Variants in SYVN1 observed in about 807,000 individuals in gnomAD.
SYVN1 encodes the protein E3 ubiquitin-protein ligase synoviolin.
In SYVN1, 17 loss-of-function variants were observed where a neutral mutation model predicts 62.6. That is an observed-to-expected ratio of 0.27 (90% CI 0.19 to 0.41). SYVN1 has a LOEUF of 0.41. SYVN1 is among the 10% of genes least tolerant of loss of function. The probability of loss-of-function intolerance (pLI) is 1.00; values close to 1 mark genes in which losing one functional copy is unlikely to be tolerated. For missense variants in SYVN1, 634 were observed against 818.0 expected (o/e 0.78, Z 2.74); for synonymous variants, 316 against 304.0 (o/e 1.04, Z -0.41).
Position 65,130,230 on chromosome 11 carries a change from TCA to T in SYVN1, c.1234+19_1234+20del, listed in dbSNP as rs1159458269. 7 of 1,609,232 alleles carry T rather than the reference TCA, an allele frequency of 4.3e-6. No homozygotes were observed. Among genetic ancestry groups the T allele is most frequent in the Non-Finnish European group, 5.9e-6 (7 of 1,177,746 alleles). On this transcript the variant is annotated intron_variant, in intron 12 of 15. Transcript: ENST00000377190. The stretch of plus-strand genomic sequence containing the variant: ...TTCCATCCCTGCCGCCCCCTGGCTG[TCA>T]CAGTACCCAAAGGCTCACCTGCACT...
Position 65,128,377 on chromosome 11 carries a change from C to T in SYVN1, c.*5G>A, listed in dbSNP as rs1462855444. 11 of 1,609,870 alleles carry T rather than the reference C, an allele frequency of 6.8e-6. No individual in the cohort carries two copies. Among genetic ancestry groups the T allele is most frequent in the African/African-American group, 1.3e-5 (1 of 74,860 alleles). On this transcript the variant is annotated 3_prime_UTR_variant, in exon 16 of 16. Transcript: ENST00000377190. Reference sequence around the variant, plus strand: ...AGCAGAGGCTGGGGCTGGGCTGGGGCAGTGTCAGTGGGCAACAGGAGACTC... The same window carrying T: ...AGCAGAGGCTGGGGCTGGGCTGGGGTAGTGTCAGTGGGCAACAGGAGACTC...
At chr11:65,130,479 G>T in intron 11 of SYVN1, 100 bp from the exon 12 acceptor site, 1 of 1,425,830 alleles carries the variant, frequency 7.0e-7, no homozygotes, top group Non-Finnish European at 9.3e-7. Context: ...TATTCCCACA[G>T]GCCCTCAGCC....
rs1202517785 is a variant in SYVN1 at position 65,132,445 on chromosome 11, A to G, written c.428-94T>C. ...GGACAGCCCCACCCTCAAGCCCACC[A>G]TGGCCCCAGCGATCTAGTCAGGTGG... On this transcript the variant is annotated intron_variant, in intron 5 of 15. Coordinates refer to ENST00000377190, the MANE Select transcript of SYVN1 (RefSeq NM_172230.3). The G allele has an allele frequency of 5.5e-6, 5 of 904,104 alleles. No individual in the cohort carries two copies. In the African/African-American group the frequency reaches 6.6e-5, roughly 12 times the overall value. 56.0% of individuals were successfully genotyped at this position (904,104 alleles called of 1,614,324 possible). A position where few individuals can be genotyped will look rare whatever the true frequency, so the allele number is the denominator to read the frequency against.
chr11:65,130,944 G>C lies in SYVN1; in HGVS notation c.917C>G (p.Pro306Arg). The C allele has an allele frequency of 6.2e-7, 1 of 1,613,936 alleles. No individual in the cohort carries two copies. The highest frequency in any genetic ancestry group is 8.5e-7 in the Non-Finnish European group (1 of 1,179,994). The change falls in exon 10 of 16, where the codon CCC becomes CGC. Residue 306 changes from proline (P) to arginine (R), a missense_variant. Physicochemically the swap from Pro to Arg is moderately radical, Grantham distance 103. This residue lies in a region of SYVN1 where 283 missense variants were observed against 444.7 expected (regional missense o/e 0.64). Transcript: ENST00000377190. ...CCTGGTATGGAAAATGTGGTTGCAG[G>C]GCAGTCTCTTGGCACCAGTCACCAT... The part of the protein sequence containing the change: ...EEMVTGAKRL[P>R]CNHIFHTSCL...
intron 14 of SYVN1, 104 bp from the exon 15 acceptor site, chr11:65,128,818 GC>G: frequency 8.1e-7 from 1 of 1,231,568 alleles, no homozygotes; most frequent in South Asian, 1.6e-5. Context: ...AGAATGATGT[GC>G]CCTTGTGGCC....
Position 65,130,698 on chromosome 11 carries a change from G to GGC in SYVN1, c.1066_1067insGC (p.Ala356GlyfsTer130). ...AGGCAAGAGTGGTGGGGGGTGGGGGGCAGGGGGTGGCCCCTGATCCGCAGG... is the reference window on the plus strand; with the variant it reads ...AGGCAAGAGTGGTGGGGGGTGGGGGGGCCAGGGGGTGGCCCCTGATCCGCAGG... On this transcript the variant is annotated frameshift_variant, in exon 11 of 16. Transcript: ENST00000377190. LOFTEE classifies it high-confidence loss of function. The GGC allele has an allele frequency of 9.5e-7, 1 of 1,049,054 alleles. No homozygotes were observed. Among genetic ancestry groups the GGC allele is most frequent in the Non-Finnish European group, 1.3e-6 (1 of 770,972 alleles). The allele number at this position is 1,049,054 out of a possible 1,614,324, so 65.0% of individuals were successfully genotyped here. A position where few individuals can be genotyped will look rare whatever the true frequency, so the allele number is the denominator to read the frequency against.
chr11:65,129,553 GGAGTGGGAAATAAAGGCA>G, intron 14 of SYVN1, 158 bp downstream of exon 14: 1 of 589,546 alleles, frequency 1.7e-6, no homozygotes, highest in Non-Finnish European at 3.0e-6. Context: ...CATGCTTTCT[GGAGTGGGAAATAAAGGCA>G]CCAGGAGTTA....
chr11:65,130,237 A>T lies in SYVN1; in HGVS notation c.1234+14T>A. 6.2e-7 allele frequency: 1 copy of T among 1,608,306 alleles called. No homozygotes were observed. On this transcript the variant is annotated intron_variant, in intron 12 of 15. Coordinates refer to ENST00000377190, the MANE Select transcript of SYVN1 (RefSeq NM_172230.3). Reference sequence around the variant, plus strand: ...CCTGCCGCCCCCTGGCTGTCACAGTACCCAAAGGCTCACCTGCACTGGTGG... The same window carrying T: ...CCTGCCGCCCCCTGGCTGTCACAGTTCCCAAAGGCTCACCTGCACTGGTGG...
chr11:65,130,539 C>A, intron 11 of SYVN1, 121 bp downstream of exon 11: 1 of 1,421,634 alleles, frequency 7.0e-7, no homozygotes. Flanking sequence ...CTTTTAATCC[C>A]TCCCTGGCCC....
chr11:65,133,310 CTCA>C (rs934583254), intron 2 of SYVN1, 58 bp from the exon 3 acceptor site: 348 of 1,594,958 alleles, frequency 2.2e-4, no homozygotes, highest in Middle Eastern at 1.5e-3. Flanking sequence ...CTCCTTGGGA[CTCA>C]TCATGCAGGA....
chr11:65,132,941 G>A lies in SYVN1; in HGVS notation c.359C>T (p.Ala120Val). Residue 120 changes from alanine (A) to valine (V), a missense_variant, in exon 4 of 16, where the codon GCT becomes GTT. This residue lies in a region of SYVN1 where 283 missense variants were observed against 444.7 expected (regional missense o/e 0.64). Coordinates refer to ENST00000377190, the MANE Select transcript of SYVN1 (RefSeq NM_172230.3). ...LLFLKCFHWL[A>V]EDRVDFMERS... The stretch of plus-strand genomic sequence containing the variant: ...ACTCACAAAGTCCACACGGTCCTCA[G>A]CCAGCCAGTGGAAACATTTGAGGAA... 6.2e-7 allele frequency: 1 copy of A among 1,614,170 alleles called. No individual in the cohort carries two copies. The highest frequency in any genetic ancestry group is 8.5e-7 in the Non-Finnish European group (1 of 1,180,042).
At position 65,132,734 on chromosome 11, in the gene SYVN1, A is replaced by G. The variant is rs1948197212; in HGVS notation, c.425T>C (p.Val142Ala). The change falls in exon 5 of 16, where the codon GTC (valine) becomes GCC (alanine). Residue 142 changes from valine to alanine, a missense_variant and splice_region_variant. By Grantham distance (64) the Val-to-Ala change is moderately conservative. This residue lies in a region of SYVN1 where 283 missense variants were observed against 444.7 expected (regional missense o/e 0.64). Transcript: ENST00000377190. ...CCCCTCCCCTGAATCTCACTCACAG[A>G]CAATGCGGCAGTGAAAGAGCCAGGA... is the stretch of plus-strand genomic sequence containing the variant. ...NISWLFHCRI[V>A]SLMFLLGILD... 1.2e-5 allele frequency: 20 copies of G among 1,614,082 alleles called. No homozygotes were observed. Among genetic ancestry groups the G allele is most frequent in the Non-Finnish European group, 1.6e-5 (19 of 1,179,984 alleles).
At chr11:65,129,073 A>G (rs989795299) in intron 14 of SYVN1, 8 of 222,506 alleles carry the variant, frequency 3.6e-5, no homozygotes, top group Non-Finnish European at 6.2e-5. Context: ...TGTCACTGCT[A>G]GATGCCAGGC....
chr11:65,130,094 C>T lies in SYVN1; in HGVS notation c.1316G>A (p.Gly439Asp). Residue 439 changes from glycine (G) to aspartate (D), a missense_variant, in exon 13 of 16, where the codon GGC becomes GAC. Gly to Asp is a moderately conservative substitution (Grantham distance 94, BLOSUM62 -1). Around this residue, in one of 2 missense-constraint regions of SYVN1, gnomAD observed 351 missense variants for 373.3 expected, o/e 0.94. Transcript: ENST00000377190. ...CTCTGGGGCAGAGCCAGAGCCTGGGCCAGATGCTGTGGCAGAAGCAGCAGT... is the reference window on the plus strand; with the variant it reads ...CTCTGGGGCAGAGCCAGAGCCTGGGTCAGATGCTGTGGCAGAAGCAGCAGT... ...SATAASATAS[G>D]PGSGSAPEAG... The T allele has an allele frequency of 6.2e-7, 1 of 1,610,874 alleles. No homozygotes were observed. The highest frequency in any genetic ancestry group is 8.5e-7 in the Non-Finnish European group (1 of 1,178,362).
rs754330543 is a variant in SYVN1 at position 65,131,156 on chromosome 11, C to T, written c.800G>A (p.Arg267Gln). 3 of 1,613,944 alleles carry T rather than the reference C, an allele frequency of 1.9e-6. No individual in the cohort carries two copies. The highest frequency in any genetic ancestry group is 2.5e-6 in the Non-Finnish European group (3 of 1,180,012). The change falls in exon 9 of 16, where the codon CGA (arginine) becomes CAA (glutamine). Residue 267 changes from arginine to glutamine, a missense_variant. Around this residue, in one of 2 missense-constraint regions of SYVN1, gnomAD observed 283 missense variants for 444.7 expected, o/e 0.64. Coordinates refer to ENST00000377190, the MANE Select transcript of SYVN1 (RefSeq NM_172230.3). Reference sequence around the variant, plus strand: ...CAGGGTGTTCATGTTGCGGATGGCTCGGCGAGACATGATGGCATCTGTCAC... The same window carrying T: ...CAGGGTGTTCATGTTGCGGATGGCTTGGCGAGACATGATGGCATCTGTCAC... ...KAVTDAIMSR[R>Q]AIRNMNTLYP... is the part of the protein sequence containing the mutation.
At position 65,128,613 on chromosome 11, in the gene SYVN1, G is replaced by T; in HGVS notation, c.1697C>A (p.Thr566Asn). ...TGGTGGGGAGGCTCCTGGGGTTGGG[G>T]TCGTGGCCTCTGAGCTAGGGATGCT... is the stretch of plus-strand genomic sequence containing the variant. ...STSIPSSEAT[T>N]PTPGASPPAP... Residue 566 changes from threonine to asparagine, a missense_variant, in exon 15 of 16, where the codon ACC (threonine) becomes AAC (asparagine). Physicochemically the swap from Thr to Asn is moderately conservative, Grantham distance 65. Transcript: ENST00000377190. The T allele has an allele frequency of 1.2e-6, 2 of 1,614,160 alleles. No individual in the cohort carries two copies. The highest frequency in any genetic ancestry group is 8.5e-7 in the Non-Finnish European group (1 of 1,180,004).
At position 65,128,224 on chromosome 11, in the gene SYVN1, A is replaced by C; in HGVS notation, c.*158T>G. ...GGGACTGGAGTCAAATGGGAACCCC[A>C]GCCTCTTTCCACTTGGCCTAGGGGA... On this transcript the variant is annotated 3_prime_UTR_variant, in exon 16 of 16. Coordinates refer to ENST00000377190, the MANE Select transcript of SYVN1 (RefSeq NM_172230.3). The C allele has an allele frequency of 1.6e-6, 1 of 643,478 alleles. No homozygotes were observed. The highest frequency in any genetic ancestry group is 1.9e-5 in the South Asian group (1 of 52,910). The allele number at this position is 643,478 out of a possible 1,614,324, so 39.9% of individuals were successfully genotyped here.
At chr11:65,129,941 G>A (rs748918223) in intron 13 of SYVN1, 26 bp from the exon 14 acceptor site, 1 of 1,609,268 alleles carries the variant, frequency 6.2e-7, no homozygotes, top group East Asian at 2.2e-5. Flanking sequence ...CTCAGTCTGG[G>A]CTGCTGGGGC....
chr11:65,130,292 G>C lies in SYVN1; in HGVS notation c.1193C>G (p.Pro398Arg). ...MGPFPPVPPP[P>R]SSGEAVAPPS... ...AGGAGCCACAGCCTCTCCTGAGCTG[G>C]GGGGAGGCGGGACAGGTGGAAAGGG... is the stretch of plus-strand genomic sequence containing the variant. The change falls in exon 12 of 16, where the codon CCC (proline) becomes CGC (arginine). Residue 398 changes from proline (P) to arginine (R), a missense_variant. By Grantham distance (103) the Pro-to-Arg change is moderately radical. Transcript: ENST00000377190. 6.3e-7 allele frequency: 1 copy of C among 1,596,762 alleles called. No individual in the cohort carries two copies. The highest frequency in any genetic ancestry group is 8.5e-7 in the Non-Finnish European group (1 of 1,171,058).
Sources: allele counts gnomAD v4.1 joint callset, GRCh38; gene constraint gnomAD v4.1.1; regional missense constraint gnomAD v4.1.1; transcripts MANE v1.5; gene names NCBI Gene and HGNC (gene_info 2026-07-23, HGNC 2026-07-21).